FBH1: variants seen among roughly 807,000 people sequenced by gnomAD.
FBH1 encodes the protein F-box DNA helicase 1, also known as DNA 3'-5' helicase 1.
Under a neutral mutation model 115.5 loss-of-function variants are expected in FBH1, and 43 were observed. That is an observed-to-expected ratio of 0.37 (90% CI 0.29 to 0.48). The LOEUF is 0.48. Ranked by LOEUF, FBH1 falls within the 20% of genes least tolerant of loss-of-function variation. The pLI is 0.99. For synonymous variants in FBH1, 524 were observed against 507.8 expected (o/e 1.03, Z -0.43); for missense variants, 1,001 against 1,337.3 (o/e 0.75, Z 3.92).
Position 5,917,310 on chromosome 10 carries a change from C to A in FBH1, c.1789-110C>A. On this transcript the variant is annotated intron_variant, in intron 10 of 20. Transcript: ENST00000362091. This position sits in a 1 kb window ranked among gnomAD's most constrained non-coding sequence, Gnocchi z 5.6. ...TAGGGTGGTGTCTGCGGTCCCCCTT[C>A]TGTGAGGATGCCCTGGCTCCACTGC... 1.2e-6 allele frequency: 1 copy of A among 857,162 alleles called. No homozygotes were observed. The highest frequency in any genetic ancestry group is 1.9e-6 in the Non-Finnish European group (1 of 519,724). 53.1% of individuals were successfully genotyped at this position (857,162 alleles called of 1,614,324 possible).
chr10:5,933,053 G>A lies in FBH1; in HGVS notation c.2830-3403G>A, dbSNP rs1404815366. 6.6e-6 allele frequency among the ~76,000 whole-genome samples: 1 copy of A among 152,058 alleles called. No homozygotes were observed. Among genetic ancestry groups the A allele is most frequent in the African/African-American group, 2.4e-5 (1 of 41,418 alleles). ...TTCTAGATGTTGCCAATTTTTTCAT[G>A]GAGATTGTTATCACTTTAGAGTCCC... On this transcript the variant is annotated intron_variant, in intron 19 of 20. Transcript: ENST00000362091. This position sits in a 1 kb window ranked among gnomAD's most constrained non-coding sequence, Gnocchi z 4.9.
At position 5,910,738 on chromosome 10, in the gene FBH1, A is replaced by G. The variant is rs1057372478; in HGVS notation, c.1021-200A>G. Among the ~76,000 whole-genome samples, 1 of 152,230 alleles carries G rather than the reference A, an allele frequency of 6.6e-6. No homozygotes were observed. On this transcript the variant is annotated intron_variant, in intron 5 of 20. Transcript: ENST00000362091. This position sits in a 1 kb window ranked among gnomAD's most constrained non-coding sequence, Gnocchi z 4.8. ...AAAGAAAACTAAGATCTCAAATCCAAAAGTGATGAGAAGGAGTCCAGGGCG... is the reference window on the plus strand; with the variant it reads ...AAAGAAAACTAAGATCTCAAATCCAGAAGTGATGAGAAGGAGTCCAGGGCG...
At position 5,932,193 on chromosome 10, in the gene FBH1, C is replaced by G. The variant is rs1411681949; in HGVS notation, c.2830-4263C>G. On this transcript the variant is annotated intron_variant, in intron 19 of 20. Coordinates refer to ENST00000362091, the MANE Select transcript of FBH1 (RefSeq NM_178150.3). This position sits in a 1 kb window ranked among gnomAD's most constrained non-coding sequence, Gnocchi z 5.9. Reference sequence around the variant, plus strand: ...GTGATAAGAGAAGTCTCATTACCTCCCTGTTCACTTCAGACTGTTCTCTGC... The same window carrying G: ...GTGATAAGAGAAGTCTCATTACCTCGCTGTTCACTTCAGACTGTTCTCTGC... 4.6e-5 allele frequency among the ~76,000 whole-genome samples: 7 copies of G among 152,136 alleles called. No individual in the cohort carries two copies. The highest frequency in any genetic ancestry group is 1.0e-4 in the Non-Finnish European group (7 of 68,024).
In FBH1 at chr10:5,924,807, C is replaced by G. The variant is rs762883777; in HGVS notation, c.2596+299C>G. ...TCTCGAACTCCCAACCTCAGGTAAT[C>G]TGCCCACCTCGACCTCCCAAAGTGC... On this transcript the variant is annotated intron_variant, in intron 17 of 20. Transcript: ENST00000362091. The surrounding 1 kb of genome is among the most constrained non-coding windows in gnomAD (Gnocchi z 6.2). 30 of 489,946 alleles carry G rather than the reference C, an allele frequency of 6.1e-5. 1 individual carries two copies. Among genetic ancestry groups the G allele is most frequent in the Middle Eastern group, 3.4e-4 (1 of 2,974 alleles). 30.3% of individuals were successfully genotyped at this position (489,946 alleles called of 1,614,324 possible). A position where few individuals can be genotyped will look rare whatever the true frequency, so the allele number is the denominator to read the frequency against.
chr10:5,924,767 T>C lies in FBH1; in HGVS notation c.2596+259T>C, dbSNP rs1350919902. 3.7e-6 allele frequency: 2 copies of C among 535,632 alleles called. No individual in the cohort carries two copies. The highest frequency in any genetic ancestry group is 9.5e-5 in the East Asian group (2 of 20,984). 33.2% of individuals were successfully genotyped at this position (535,632 alleles called of 1,614,324 possible). ...TTTTTGTAGAGATGGAGTCTCACCA[T>C]GTTGGCCAGGCTGGTCTCGAACTCC... On this transcript the variant is annotated intron_variant, in intron 17 of 20. Coordinates refer to ENST00000362091, the MANE Select transcript of FBH1 (RefSeq NM_178150.3). The surrounding 1 kb of genome is among the most constrained non-coding windows in gnomAD (Gnocchi z 6.2).
chr10:5,891,212 CT>C lies in FBH1; in HGVS notation c.1+868del, dbSNP rs1301682085. Reference sequence around the variant, plus strand: ...AAATGAGCGGAGATAAATGAAAAGACTTCTGGAATGGGCCCATGAAGATAAG... The same window carrying C: ...AAATGAGCGGAGATAAATGAAAAGACTCTGGAATGGGCCCATGAAGATAAG... On this transcript the variant is annotated intron_variant, in intron 1 of 20. Transcript: ENST00000362091. 1.1e-5 allele frequency: 11 copies of C among 983,022 alleles called. No individual in the cohort carries two copies. In the African/African-American group the frequency reaches 1.8e-4, roughly 16 times the overall value. 60.9% of individuals were successfully genotyped at this position (983,022 alleles called of 1,614,324 possible). A position where few individuals can be genotyped will look rare whatever the true frequency, so the allele number is the denominator to read the frequency against.
At position 5,936,715 on chromosome 10, in the gene FBH1, A is replaced by C; in HGVS notation, c.2961+128A>C. 1.6e-6 allele frequency: 2 copies of C among 1,215,304 alleles called. No homozygotes were observed. Among genetic ancestry groups the C allele is most frequent in the South Asian group, 2.8e-5 (2 of 72,228 alleles). The allele number at this position is 1,215,304 out of a possible 1,614,324, so 75.3% of individuals were successfully genotyped here. A position where few individuals can be genotyped will look rare whatever the true frequency, so the allele number is the denominator to read the frequency against. The stretch of plus-strand genomic sequence containing the variant: ...TGATCCTTTATTAGGGGCTTTTCAT[A>C]TGAGAGGCACAAGAGGTGTGTGGTC... On this transcript the variant is annotated intron_variant, in intron 20 of 20. Coordinates refer to ENST00000362091, the MANE Select transcript of FBH1 (RefSeq NM_178150.3). This position sits in a 1 kb window ranked among gnomAD's most constrained non-coding sequence, Gnocchi z 5.6.
chr10:5,937,486 C>G lies in FBH1; in HGVS notation c.*206C>G. ...CCACTTGCCTCCCCTCTGGATGTAT[C>G]TGGTCAGGGAAGTGGGGGATGTTCT... On this transcript the variant is annotated 3_prime_UTR_variant, in exon 21 of 21. Transcript: ENST00000362091. 2.3e-6 allele frequency: 1 copy of G among 426,770 alleles called. No individual in the cohort carries two copies. The highest frequency in any genetic ancestry group is 4.0e-6 in the Non-Finnish European group (1 of 249,134). 26.4% of individuals were successfully genotyped at this position (426,770 alleles called of 1,614,324 possible). A position where few individuals can be genotyped will look rare whatever the true frequency, so the allele number is the denominator to read the frequency against.
rs1197828755 is a variant in FBH1 at position 5,935,111 on chromosome 10, A to G, written c.2830-1345A>G. The G allele has an allele frequency of 2.6e-5, 4 of 152,308 alleles. No individual in the cohort carries two copies. The highest frequency in any genetic ancestry group is 1.3e-4 in the Admixed American group (2 of 15,298). The allele number at this position is 152,308 out of a possible 1,614,324, so 9.4% of individuals were successfully genotyped here. A position where few individuals can be genotyped will look rare whatever the true frequency, so the allele number is the denominator to read the frequency against. Reference sequence around the variant, plus strand: ...TCATGTTTTGTGAAACTTTTCTTCCATGTGTGTTTCTTACATATGTGCGTA... The same window carrying G: ...TCATGTTTTGTGAAACTTTTCTTCCGTGTGTGTTTCTTACATATGTGCGTA... On this transcript the variant is annotated intron_variant, in intron 19 of 20. Coordinates refer to ENST00000362091, the MANE Select transcript of FBH1 (RefSeq NM_178150.3). The surrounding 1 kb of genome is among the most constrained non-coding windows in gnomAD (Gnocchi z 5.2).
At chr10:5,889,746 G>T (rs965371223), upstream of FBH1, 83 of 159,778 alleles carry the variant, frequency 5.2e-4, no homozygotes, top group Non-Finnish European at 9.6e-5. Flanking sequence ...GAACACGTAA[G>T]GGAGTGGGGC....
In FBH1 at chr10:5,903,080, A is replaced by G. The variant is rs1369299159; in HGVS notation, c.62A>G (p.His21Arg). The stretch of plus-strand genomic sequence containing the variant: ...GACTGCCAGCATTTGGCTCGGAGTC[A>G]CTTGGCTGTGACCCAGCCCTTCGGT... ...AIDCQHLARSHLAVTQPFGQR... is the reference protein window; with the variant it reads ...AIDCQHLARSRLAVTQPFGQR... The change falls in exon 2 of 21, where the codon CAC (histidine) becomes CGC (arginine). Residue 21 changes from histidine (H) to arginine (R), a missense_variant. Around this residue, in one of 4 missense-constraint regions of FBH1, gnomAD observed 420 missense variants for 430.4 expected, o/e 0.98. Coordinates refer to ENST00000362091, the MANE Select transcript of FBH1 (RefSeq NM_178150.3). The G allele has an allele frequency of 3.7e-6, 6 of 1,613,940 alleles. No individual in the cohort carries two copies. The highest frequency in any genetic ancestry group is 5.1e-6 in the Non-Finnish European group (6 of 1,179,930).
Position 5,915,994 on chromosome 10 carries a change from T to G in FBH1, c.1566-240T>G. The G allele has an allele frequency of 5.7e-6, 3 of 529,834 alleles. No individual in the cohort carries two copies. The highest frequency in any genetic ancestry group is 6.8e-6 in the Non-Finnish European group (2 of 295,004). 32.8% of individuals were successfully genotyped at this position (529,834 alleles called of 1,614,324 possible). A position where few individuals can be genotyped will look rare whatever the true frequency, so the allele number is the denominator to read the frequency against. On this transcript the variant is annotated intron_variant, in intron 9 of 20. Transcript: ENST00000362091. This position sits in a 1 kb window ranked among gnomAD's most constrained non-coding sequence, Gnocchi z 5.2. Reference sequence around the variant, plus strand: ...GGGGACCTTCTGGAGCCCAGCTTCATGGTGGAATAGCAGTGTCTGCCGAAA... The same window carrying G: ...GGGGACCTTCTGGAGCCCAGCTTCAGGGTGGAATAGCAGTGTCTGCCGAAA...
At chr10:5,894,682 C>A (rs957651575) in intron 1 of FBH1, among the ~76,000 whole-genome samples, 1 of 152,230 alleles carries the variant, frequency 6.6e-6, no homozygotes, top group Non-Finnish European at 1.5e-5. Context: ...AGAAGTGCTG[C>A]AGCTGCACAT....
In FBH1 at chr10:5,895,564, A is replaced by T. The variant is rs2131834186; in HGVS notation, c.1+5218A>T. Among the ~76,000 whole-genome samples, 1 of 152,306 alleles carries T rather than the reference A, an allele frequency of 6.6e-6. No homozygotes were observed. The highest frequency in any genetic ancestry group is 2.1e-4 in the South Asian group (1 of 4,832). ...TAAGCTTTGCTGCAGTGACAAATAG[A>T]TCCAGACATGTAATGGCCTCACAAT... On this transcript the variant is annotated intron_variant, in intron 1 of 20. Transcript: ENST00000362091. This position sits in a 1 kb window ranked among gnomAD's most constrained non-coding sequence, Gnocchi z 5.0.
At chr10:5,929,665 T>C (rs1832861738) in intron 19 of FBH1, 1 of 152,254 alleles carries the variant, frequency 6.6e-6, no homozygotes, top group Non-Finnish European at 1.5e-5. Context: ...AGAGCCCCTG[T>C]TGACAGTACA....
intron 6 of FBH1, among the ~76,000 whole-genome samples, chr10:5,912,131 G>A (rs983593739): frequency 2.0e-5 from 3 of 152,030 alleles, no homozygotes; most frequent in Admixed American, 6.6e-5. Context: ...GAGGCGAGGC[G>A]GGCAGTTCGC....
At position 5,914,419 on chromosome 10, in the gene FBH1, A is replaced by C; in HGVS notation, c.1396+150A>C. The C allele has an allele frequency of 1.4e-6, 1 of 704,870 alleles. No individual in the cohort carries two copies. Among genetic ancestry groups the C allele is most frequent in the Non-Finnish European group, 2.4e-6 (1 of 410,600 alleles). 43.7% of individuals were successfully genotyped at this position (704,870 alleles called of 1,614,324 possible). A position where few individuals can be genotyped will look rare whatever the true frequency, so the allele number is the denominator to read the frequency against. On this transcript the variant is annotated intron_variant, in intron 8 of 20. Transcript: ENST00000362091. The surrounding 1 kb of genome is among the most constrained non-coding windows in gnomAD (Gnocchi z 5.2). Reference sequence around the variant, plus strand: ...GATCAAATAATCAATCTCAAAAGCAATTGGCCAAGGAATACTTACTTCCCC... The same window carrying C: ...GATCAAATAATCAATCTCAAAAGCACTTGGCCAAGGAATACTTACTTCCCC...
Position 5,913,862 on chromosome 10 carries a change from G to T in FBH1, c.1304+23G>T. 6.5e-7 allele frequency: 1 copy of T among 1,549,044 alleles called. No individual in the cohort carries two copies. On this transcript the variant is annotated intron_variant, in intron 7 of 20. Coordinates refer to ENST00000362091, the MANE Select transcript of FBH1 (RefSeq NM_178150.3). This position sits in a 1 kb window ranked among gnomAD's most constrained non-coding sequence, Gnocchi z 4.4. ...AGGGTATGTGTATATGTGCGTCAGC[G>T]TGTGTTTTGTCTTCTGTCGACTCTT...
Position 5,917,271 on chromosome 10 carries a change from G to A in FBH1, c.1789-149G>A. 1.5e-6 allele frequency: 1 copy of A among 653,638 alleles called. No homozygotes were observed. The highest frequency in any genetic ancestry group is 2.8e-6 in the Non-Finnish European group (1 of 362,222). 40.5% of individuals were successfully genotyped at this position (653,638 alleles called of 1,614,324 possible). A position where few individuals can be genotyped will look rare whatever the true frequency, so the allele number is the denominator to read the frequency against. ...CCTCTGGCGTGGAGAGGCTGTTGAG[G>A]AGACCCAGGAGGTTAGGGTGGTGTC... On this transcript the variant is annotated intron_variant, in intron 10 of 20. Coordinates refer to ENST00000362091, the MANE Select transcript of FBH1 (RefSeq NM_178150.3). The surrounding 1 kb of genome is among the most constrained non-coding windows in gnomAD (Gnocchi z 5.6).
Sources: gnomAD v4.1 joint callset for allele counts (sites outside exome capture counted in the v4.1 genomes callset) on GRCh38, gnomAD v4.1.1 for gene constraint, gnomAD v4.1.1 regional missense constraint, Gnocchi (gnomAD v3.1) non-coding constraint, MANE v1.5 for transcripts, NCBI Gene and HGNC (gene_info 2026-07-23, HGNC 2026-07-21) for gene names.